Variants in ANXA8 observed in about 807,000 individuals in gnomAD.
ANXA8 encodes VAC-beta.
A neutral mutation model predicts 26.8 loss-of-function variants in ANXA8; 9 were observed. That is an observed-to-expected ratio of 0.34 (90% CI 0.20 to 0.59). The LOEUF is 0.59. ANXA8 is among the 20% of genes least tolerant of loss of function. ANXA8 has a pLI of 0.84. For missense variants in ANXA8, 83 were observed against 238.5 expected (o/e 0.35, Z 4.29); for synonymous variants, 39 against 94.8 (o/e 0.41, Z 3.42).
In ANXA8 at chr10:47,468,792, G is replaced by A. The variant is rs1225266949; in HGVS notation, c.*55C>T. 6.2e-7 allele frequency: 1 copy of A among 1,600,174 alleles called. No individual in the cohort carries two copies. Among genetic ancestry groups the A allele is most frequent in the African/African-American group, 1.4e-5 (1 of 73,352 alleles). The stretch of plus-strand genomic sequence containing the variant: ...AACCTGCGTCCATGGCCGAGGTTGA[G>A]TGAGGAGTCCTGGAGACTCTGGCTT... On this transcript the variant is annotated 3_prime_UTR_variant, in exon 12 of 12. Transcript: ENST00000585281.
the ANXA8 span, among the ~76,000 whole-genome samples, chr10:47,952,273 G>A: frequency 2.6e-5 from 4 of 151,680 alleles, no homozygotes; most frequent in Non-Finnish European, 5.9e-5. Context: ...GTCCTAGGTG[G>A]TGCAATAAGG....
chr10:47,587,867 C>T, the ANXA8 span, among the ~76,000 whole-genome samples: 28 of 146,142 alleles, frequency 1.9e-4, 1 homozygote, highest in Non-Finnish European at 3.1e-4. Flanking sequence ...TGTCCAACAG[C>T]GATTGGCCAC....
intron 1 of ANXA8, among the ~76,000 whole-genome samples, chr10:47,483,147 G>C (rs1330916346): frequency 6.6e-6 from 1 of 151,638 alleles, no homozygotes; most frequent in Non-Finnish European, 1.5e-5. Flanking sequence ...GAACCCATCA[G>C]TTCTGCTGGG....
chr10:47,704,843 T>C, the ANXA8 span, among the ~76,000 whole-genome samples: 2 of 152,010 alleles, frequency 1.3e-5, no homozygotes, highest in East Asian at 3.9e-4. Context: ...AGGAAAAATT[T>C]TTAAATGAAG....
the ANXA8 span, among the ~76,000 whole-genome samples, chr10:47,546,680 C>A: frequency 7.4e-6 from 1 of 134,574 alleles, no homozygotes; most frequent in Non-Finnish European, 1.6e-5. Context: ...GCTGGGATTA[C>A]AGGCGTGAGC....
At chr10:47,707,127 G>GTGTTAA in the ANXA8 span, among the ~76,000 whole-genome samples, 5 of 141,850 alleles carry the variant, frequency 3.5e-5, no homozygotes, top group Non-Finnish European at 6.3e-5. Context: ...TTATTTCATT[G>GTGTTAA]TGTTAAATGT....
chr10:47,588,474 A>C, the ANXA8 span, among the ~76,000 whole-genome samples: 2 of 139,564 alleles, frequency 1.4e-5, no homozygotes, highest in Non-Finnish European at 3.0e-5. Flanking sequence ...TGCAACAGAA[A>C]TAGCCATTGT....
the ANXA8 span, among the ~76,000 whole-genome samples, chr10:47,937,717 A>G: frequency 2.5e-3 from 358 of 145,068 alleles, 18 homozygotes; most frequent in East Asian, 0.063. Context: ...AACATGTGGT[A>G]TTTTGTTTTC....
chr10:47,652,658 G>A, the ANXA8 span, among the ~76,000 whole-genome samples: 1 of 141,572 alleles, frequency 7.1e-6, no homozygotes, highest in Non-Finnish European at 1.5e-5. Context: ...CTTTAGTAAG[G>A]TTTGGTAAAG....
At chr10:47,726,547 T>C in the ANXA8 span, among the ~76,000 whole-genome samples, 1 of 152,278 alleles carries the variant, frequency 6.6e-6, no homozygotes, top group Non-Finnish European at 1.5e-5. Flanking sequence ...TTATTATTTT[T>C]ATTTTCATTT....
the ANXA8 span, among the ~76,000 whole-genome samples, chr10:47,504,787 TG>T: frequency 7.1e-6 from 1 of 141,342 alleles, no homozygotes; most frequent in Admixed American, 7.3e-5. Flanking sequence ...AAATGTGCTC[TG>T]TGGACCTCTC....
At chr10:47,980,589 T>C in the ANXA8 span, among the ~76,000 whole-genome samples, 2 of 151,072 alleles carry the variant, frequency 1.3e-5, no homozygotes, top group East Asian at 3.9e-4. Context: ...ATTATTAATG[T>C]ATAGGGAATT....
chr10:47,978,962 TA>T, the ANXA8 span, among the ~76,000 whole-genome samples: 2 of 150,072 alleles, frequency 1.3e-5, 1 homozygote, highest in Admixed American at 1.3e-4. Context: ...AGGTTGAAAG[TA>T]ATAGGATGGA....
At chr10:47,617,672 C>G in the ANXA8 span, among the ~76,000 whole-genome samples, 37 of 148,242 alleles carry the variant, frequency 2.5e-4, no homozygotes, top group African/African-American at 8.9e-4. Context: ...TTTTGCCCAG[C>G]AAAAAACCCA....
At chr10:47,756,480 G>A in the ANXA8 span, among the ~76,000 whole-genome samples, 1 of 142,424 alleles carries the variant, frequency 7.0e-6, no homozygotes, top group African/African-American at 2.7e-5. Context: ...TGCAGGCCCT[G>A]GTTTACCAGA....
chr10:47,955,045 G>A, the ANXA8 span, among the ~76,000 whole-genome samples: 1 of 146,494 alleles, frequency 6.8e-6, no homozygotes, highest in Admixed American at 6.8e-5. Flanking sequence ...TGTGTTGTGG[G>A]AGGGACCCAG....
At chr10:47,580,925 A>G in the ANXA8 span, among the ~76,000 whole-genome samples, 2 of 148,610 alleles carry the variant, frequency 1.3e-5, no homozygotes, top group Admixed American at 6.7e-5. Flanking sequence ...AAATACAAAA[A>G]ATTAGCTGGA....
chr10:47,955,387 C>A, the ANXA8 span, among the ~76,000 whole-genome samples: 1 of 149,684 alleles, frequency 6.7e-6, no homozygotes, highest in Non-Finnish European at 1.5e-5. Flanking sequence ...AGAAACACAT[C>A]ATTAGGGGAT....
At chr10:47,485,750 A>AGAG (rs1282210062), upstream of ANXA8, among the ~76,000 whole-genome samples, 1 of 151,914 alleles carries the variant, frequency 6.6e-6, no homozygotes, top group Middle Eastern at 3.2e-3. Context: ...TGAGAAGGAG[A>AGAG]GAGGGCCAGG....
Sources: gnomAD v4.1 joint callset for allele counts (sites outside exome capture counted in the v4.1 genomes callset) on GRCh38, gnomAD v4.1.1 for gene constraint, MANE v1.5 for transcripts, NCBI Gene and HGNC (gene_info 2026-07-23, HGNC 2026-07-21) for gene names.